The following SEMA6D variants were observed in gnomAD, a reference collection of about 807,000 sequenced individuals.
SEMA6D encodes semaphorin 6D.
Under a neutral mutation model 106.6 loss-of-function variants are expected in SEMA6D, and 35 were observed. The observed-to-expected ratio is 0.33, with a 90% CI of 0.25 to 0.44. The LOEUF is 0.44. Ranked by LOEUF, SEMA6D falls within the 20% of genes least tolerant of loss-of-function variation. SEMA6D has a pLI of 1.00. For missense variants in SEMA6D, 1,185 were observed against 1,345.9 expected (o/e 0.88, Z 1.87); for synonymous variants, 499 against 487.7 (o/e 1.02, Z -0.31).
At chr15:47,394,000 A>T (rs988734573) in intron 1 of SEMA6D, among the ~76,000 whole-genome samples, 3 of 152,184 alleles carry the variant, frequency 2.0e-5, no homozygotes, top group Admixed American at 6.5e-5. Context: ...AGCAAGTGAG[A>T]GGCAGGATAG....
rs544269268 is a variant in SEMA6D at position 47,300,891 on chromosome 15, C to T, written c.-238-111502C>T. On this transcript the variant is annotated intron_variant, in intron 1 of 19. Transcript: ENST00000558014. ...TAAATATGGTATTGTCTCTGACCAT[C>T]CTTGCCATTGCCCTAAACCACCTGC... 3.3e-5 allele frequency among the ~76,000 whole-genome samples: 5 copies of T among 152,340 alleles called. No individual in the cohort carries two copies. In the East Asian group the frequency reaches 9.6e-4, roughly 29 times the overall value.
In SEMA6D at chr15:47,444,646, A is replaced by T. The variant is rs181107789; in HGVS notation, c.-158-25828A>T. Among the ~76,000 whole-genome samples, 10 of 152,268 alleles carry T rather than the reference A, an allele frequency of 6.6e-5. No homozygotes were observed. The East Asian group carries it at 1.6e-3, about 24-fold the overall frequency. ...TCCTGTTCAAATAATATTAAAAATTATAAAGATTTTCATCTTTTTGGTCAC... is the reference window on the plus strand; with the variant it reads ...TCCTGTTCAAATAATATTAAAAATTTTAAAGATTTTCATCTTTTTGGTCAC... On this transcript the variant is annotated intron_variant, in intron 2 of 19. Coordinates refer to the SEMA6D transcript ENST00000558014.
At chr15:47,528,285 G>A (rs902323787) in intron 3 of SEMA6D, among the ~76,000 whole-genome samples, 1 of 152,180 alleles carries the variant, frequency 6.6e-6, no homozygotes, top group Non-Finnish European at 1.5e-5. Flanking sequence ...TAACTAAGAT[G>A]AGAATTCCCA....
At chr15:47,583,617 A>G (rs2076289139) in intron 3 of SEMA6D, among the ~76,000 whole-genome samples, 1 of 152,192 alleles carries the variant, frequency 6.6e-6, no homozygotes, top group Admixed American at 6.5e-5. Context: ...ATGGCTTGGC[A>G]ATAAACAATG....
intron 1 of SEMA6D, chr15:47,274,163 A>T (rs1230852162): frequency 6.6e-6 from 1 of 152,148 alleles, no homozygotes; most frequent in Non-Finnish European, 1.5e-5. Context: ...AAAAGAGGAA[A>T]AACATCCGCC....
At chr15:47,289,965 A>G (rs1595652985) in intron 1 of SEMA6D, among the ~76,000 whole-genome samples, 1 of 152,100 alleles carries the variant, frequency 6.6e-6, no homozygotes, top group East Asian at 1.9e-4. Context: ...TTTCAGATGC[A>G]CTGGGTGAAT....
intron 3 of SEMA6D, among the ~76,000 whole-genome samples, chr15:47,561,209 C>A (rs538020217): frequency 1.3e-5 from 2 of 151,808 alleles, no homozygotes; most frequent in African/African-American, 4.8e-5. Context: ...CGGTTTATGG[C>A]CAAAGAAAAG....
rs999068863 is a variant in SEMA6D, at chr15:47,256,870, A to G, written c.-239+72452A>G. Among the ~76,000 whole-genome samples the G allele has an allele frequency of 3.3e-5, 5 of 152,166 alleles. No homozygotes were observed. In the East Asian group the frequency reaches 7.7e-4, roughly 24 times the overall value. ...TGAGATTCTGTCCCAAAAAATAAAA[A>G]TAAAATAAAAAATGCTAAAATATTG... is the stretch of plus-strand genomic sequence containing the variant. On this transcript the variant is annotated intron_variant, in intron 1 of 19. Coordinates refer to the SEMA6D transcript ENST00000558014.
intron 4 of SEMA6D, among the ~76,000 whole-genome samples, chr15:47,605,815 A>G (rs765026343): frequency 6.6e-6 from 1 of 152,212 alleles, no homozygotes; most frequent in Non-Finnish European, 1.5e-5. Flanking sequence ...CCACTCACCC[A>G]GCTCCTCCAT....
chr15:47,694,599 A>G (rs1002118893), intron 4 of SEMA6D, among the ~76,000 whole-genome samples: 1 of 152,084 alleles, frequency 6.6e-6, no homozygotes, highest in African/African-American at 2.4e-5. Context: ...ATCAATCTGC[A>G]TGCTGAGGTT....
chr15:47,230,153 G>A (rs907099559), intron 1 of SEMA6D, among the ~76,000 whole-genome samples: 2 of 151,962 alleles, frequency 1.3e-5, no homozygotes, highest in African/African-American at 4.8e-5. Context: ...TAAGCAATCT[G>A]CAAAACTTTT....
At chr15:47,727,818 AT>A (rs1317152049) in intron 1 of SEMA6D, among the ~76,000 whole-genome samples, 1 of 152,234 alleles carries the variant, frequency 6.6e-6, no homozygotes, top group East Asian at 1.9e-4. Context: ...ATAAACTGAG[AT>A]AAGGGTAATC....
intron 1 of SEMA6D, among the ~76,000 whole-genome samples, chr15:47,328,865 A>G (rs1324163344): frequency 6.6e-6 from 1 of 152,176 alleles, no homozygotes; most frequent in East Asian, 1.9e-4. Context: ...TTTCATTTTA[A>G]TCTTCAGTAT....
intron 1 of SEMA6D, among the ~76,000 whole-genome samples, chr15:47,720,490 C>A (rs865907662): frequency 6.6e-6 from 1 of 151,984 alleles, no homozygotes; most frequent in Non-Finnish European, 1.5e-5. Flanking sequence ...TGAAAGATGG[C>A]TGTGATGTAA....
chr15:47,221,539 G>A (rs1430698647), intron 1 of SEMA6D, among the ~76,000 whole-genome samples: 1 of 152,036 alleles, frequency 6.6e-6, no homozygotes, highest in Non-Finnish European at 1.5e-5. Context: ...TAGTGAACTT[G>A]GATAGGAAAA....
intron 1 of SEMA6D, among the ~76,000 whole-genome samples, chr15:47,398,457 C>T (rs1003900234): frequency 6.6e-6 from 1 of 152,160 alleles, no homozygotes. Context: ...GACCGCAGGT[C>T]GTAGGGTCTG....
chr15:47,628,861 T>C (rs1037018381), intron 4 of SEMA6D, among the ~76,000 whole-genome samples: 1 of 152,106 alleles, frequency 6.6e-6, no homozygotes, highest in Non-Finnish European at 1.5e-5. Context: ...TTATAAGGGT[T>C]GTAGTTTCAC....
chr15:47,675,957 AG>A (rs1234691073), intron 4 of SEMA6D, among the ~76,000 whole-genome samples: 9 of 52,780 alleles, frequency 1.7e-4, no homozygotes, highest in African/African-American at 5.8e-4. Flanking sequence ...GGGAGGGGGG[AG>A]GGGGGAGAAG....
At chr15:47,726,042 G>T (rs556577479) in intron 1 of SEMA6D, among the ~76,000 whole-genome samples, 1 of 152,240 alleles carries the variant, frequency 6.6e-6, no homozygotes, top group African/African-American at 2.4e-5. Flanking sequence ...ACATAAAGCA[G>T]AGAACCTGTT....
Sources: gnomAD v4.1 joint callset for allele counts (sites outside exome capture counted in the v4.1 genomes callset) on GRCh38, gnomAD v4.1.1 for gene constraint, MANE v1.5 for transcripts, NCBI Gene and HGNC (gene_info 2026-07-23, HGNC 2026-07-21) for gene names.